EXOC4: variants seen among roughly 807,000 people sequenced by gnomAD.
EXOC4 encodes exocyst complex component 4.
In EXOC4, 71 loss-of-function variants were observed where a neutral mutation model predicts 107.2. That is an observed-to-expected ratio of 0.66 (90% CI 0.55 to 0.81). The LOEUF is 0.81. Ranked by LOEUF, EXOC4 falls within the 30% of genes least tolerant of loss-of-function variation. The probability of loss-of-function intolerance (pLI) is 0.00; values close to 1 mark genes in which losing one functional copy is unlikely to be tolerated. For missense variants in EXOC4, 1,108 were observed against 1,189.6 expected (o/e 0.93, Z 1.01); for synonymous variants, 456 against 441.2 (o/e 1.03, Z -0.42).
At chr7:133,752,527 T>C (rs1795815952) in intron 10 of EXOC4, among the ~76,000 whole-genome samples, 1 of 152,220 alleles carries the variant, frequency 6.6e-6, no homozygotes, top group Admixed American at 6.5e-5. Flanking sequence ...TTACCCTGTG[T>C]GAAGCCCTGT....
intron 6 of EXOC4, among the ~76,000 whole-genome samples, chr7:133,362,206 A>C (rs1241006668): frequency 6.6e-6 from 1 of 152,200 alleles, no homozygotes; most frequent in Non-Finnish European, 1.5e-5. Context: ...GATTATAATA[A>C]AATTTTCAAC....
At chr7:133,527,151 C>T (rs1048701088) in intron 9 of EXOC4, among the ~76,000 whole-genome samples, 36 of 152,064 alleles carry the variant, frequency 2.4e-4, no homozygotes, top group African/African-American at 8.5e-4. Flanking sequence ...CGCCTGTAAT[C>T]CCAGCATTTT....
At chr7:133,415,392 G>A in intron 7 of EXOC4, among the ~76,000 whole-genome samples, 1 of 152,286 alleles carries the variant, frequency 6.6e-6, no homozygotes, top group Non-Finnish European at 1.5e-5. Context: ...AGCAGCATCA[G>A]AGGGCTCCAG....
At chr7:133,627,244 G>C (rs1461564328) in intron 9 of EXOC4, among the ~76,000 whole-genome samples, 2 of 152,306 alleles carry the variant, frequency 1.3e-5, no homozygotes, top group East Asian at 3.9e-4. Flanking sequence ...GAAATGGTAC[G>C]AGGGGAGAGG....
At chr7:133,419,315 C>T (rs1797549731) in intron 7 of EXOC4, among the ~76,000 whole-genome samples, 1 of 152,036 alleles carries the variant, frequency 6.6e-6, no homozygotes, top group Non-Finnish European at 1.5e-5. Flanking sequence ...AAAGGAGACT[C>T]ATGGTATGGA....
At chr7:133,694,910 C>T (rs972677020) in intron 10 of EXOC4, among the ~76,000 whole-genome samples, 2 of 152,162 alleles carry the variant, frequency 1.3e-5, no homozygotes, top group Admixed American at 1.3e-4. Flanking sequence ...GCAACCTCTG[C>T]CTCCTGGGTT....
intron 1 of EXOC4, among the ~76,000 whole-genome samples, chr7:133,260,752 GTA>G (rs1795129755): frequency 6.6e-6 from 1 of 152,074 alleles, no homozygotes; most frequent in African/African-American, 2.4e-5. Context: ...TGGATGGATG[GTA>G]TATGTCTCCA....
intron 11 of EXOC4, among the ~76,000 whole-genome samples, chr7:133,852,225 ATTTT>A (rs5887646): frequency 7.1e-6 from 1 of 141,802 alleles, no homozygotes; most frequent in African/African-American, 2.6e-5. Flanking sequence ...TGTATAGAGC[ATTTT>A]TTTTTTTTTT....
chr7:133,448,175 G>T (rs149916471), intron 7 of EXOC4, among the ~76,000 whole-genome samples: 7 of 152,308 alleles, frequency 4.6e-5, no homozygotes, highest in South Asian at 2.1e-4. Flanking sequence ...TTGCCCTTGG[G>T]CTGTGGAGTG....
At chr7:133,676,632 A>G (rs1252380846) in intron 10 of EXOC4, among the ~76,000 whole-genome samples, 1 of 151,970 alleles carries the variant, frequency 6.6e-6, no homozygotes, top group African/African-American at 2.4e-5. Context: ...GTGATTTATT[A>G]CTTTCCCAAA....
At chr7:133,614,147 TG>T (rs965453322) in intron 9 of EXOC4, among the ~76,000 whole-genome samples, 1 of 150,652 alleles carries the variant, frequency 6.6e-6, no homozygotes, top group Non-Finnish European at 1.5e-5. Flanking sequence ...TGCCCTACAC[TG>T]GGGGAAAAAA....
At chr7:133,923,323 T>G (rs1040314326) in intron 13 of EXOC4, among the ~76,000 whole-genome samples, 3 of 152,016 alleles carry the variant, frequency 2.0e-5, no homozygotes, top group Admixed American at 2.0e-4. Flanking sequence ...GAGACAGGGT[T>G]TCACCATATT....
intron 9 of EXOC4, among the ~76,000 whole-genome samples, chr7:133,572,141 A>G (rs1801037365): frequency 6.6e-6 from 1 of 152,244 alleles, no homozygotes; most frequent in Admixed American, 6.5e-5. Flanking sequence ...GTTTGTGAAT[A>G]AAGAATTTAA....
chr7:133,500,989 A>G (rs895280973), intron 9 of EXOC4, among the ~76,000 whole-genome samples: 1 of 152,188 alleles, frequency 6.6e-6, no homozygotes, highest in Non-Finnish European at 1.5e-5. Flanking sequence ...GTCTACCTCC[A>G]TGAAGTTTTT....
chr7:133,551,096 G>A (rs781524755), intron 9 of EXOC4, among the ~76,000 whole-genome samples: 2 of 152,056 alleles, frequency 1.3e-5, no homozygotes, highest in Non-Finnish European at 2.9e-5. Context: ...CCAGTACCCT[G>A]CCGTGTATTT....
intron 15 of EXOC4, among the ~76,000 whole-genome samples, chr7:133,998,383 G>T (rs1017212825): frequency 6.6e-6 from 1 of 152,126 alleles, no homozygotes; most frequent in Non-Finnish European, 1.5e-5. Context: ...CTAGGAATGG[G>T]ATTCTTTTCT....
At chr7:133,699,465 A>G (rs1328891160) in intron 10 of EXOC4, among the ~76,000 whole-genome samples, 1 of 152,212 alleles carries the variant, frequency 6.6e-6, no homozygotes, top group African/African-American at 2.4e-5. Context: ...AGGGAAGGTA[A>G]GAGTCTGTAA....
At chr7:133,997,389 A>T in intron 14 of EXOC4, 103 bp from the exon 15 acceptor site, 1 of 1,302,076 alleles carries the variant, frequency 7.7e-7, no homozygotes, top group Non-Finnish European at 1.1e-6. Flanking sequence ...CACTAGTGTT[A>T]ACCAAGCTAG....
chr7:134,081,158 C>G, the EXOC4 span, among the ~76,000 whole-genome samples: 8 of 152,020 alleles, frequency 5.3e-5, no homozygotes, highest in Non-Finnish European at 1.2e-4. Flanking sequence ...GCCTGGCCAA[C>G]GTGGCACAAC....
Sources: allele counts gnomAD v4.1 joint callset (sites outside exome capture counted in the v4.1 genomes callset), GRCh38; gene constraint gnomAD v4.1.1; transcripts MANE v1.5; gene names NCBI Gene and HGNC (gene_info 2026-07-23, HGNC 2026-07-21).